The following TTC28 variants were observed in gnomAD, a reference collection of about 807,000 sequenced individuals.
The protein encoded by TTC28 is tetratricopeptide repeat protein 28.
In TTC28, 61 loss-of-function variants were observed where a neutral mutation model predicts 198.0. That is an observed-to-expected ratio of 0.31 (90% CI 0.25 to 0.38). TTC28 has a LOEUF of 0.38. Among genes scored for constraint, TTC28 ranks in the 10% least tolerant of loss-of-function variants. The probability of loss-of-function intolerance (pLI) is 1.00; values close to 1 mark genes in which losing one functional copy is unlikely to be tolerated. For synonymous variants in TTC28, 1,171 were observed against 1,297.8 expected (o/e 0.90, Z 2.10); for missense variants, 2,678 against 3,164.0 (o/e 0.85, Z 3.69).
intron 12 of TTC28, among the ~76,000 whole-genome samples, chr22:28,092,429 G>A (rs1035795542): frequency 2.0e-5 from 3 of 152,156 alleles, no homozygotes; most frequent in Non-Finnish European, 2.9e-5. Flanking sequence ...AGAACTTGGC[G>A]ACTGCATGCC....
At chr22:28,292,413 C>T (rs2044805679) in intron 5 of TTC28, among the ~76,000 whole-genome samples, 1 of 152,150 alleles carries the variant, frequency 6.6e-6, no homozygotes, top group Admixed American at 6.5e-5. Context: ...GTCTCAAATT[C>T]CTGGGCTCCA....
chr22:28,202,597 T>A (rs1484587918), intron 5 of TTC28, among the ~76,000 whole-genome samples: 1 of 151,634 alleles, frequency 6.6e-6, no homozygotes, highest in Non-Finnish European at 1.5e-5. Flanking sequence ...TCATTCTGTA[T>A]CTTAGATTTA....
intron 5 of TTC28, among the ~76,000 whole-genome samples, chr22:28,187,096 C>A (rs969120008): frequency 1.6e-4 from 24 of 152,078 alleles, no homozygotes; most frequent in Non-Finnish European, 2.9e-5. Context: ...CTGGTAGTGA[C>A]TTCATTCTGT....
Position 28,232,999 on chromosome 22 carries a change from G to T in TTC28, c.933+63199C>A, listed in dbSNP as rs1343721672. Among the ~76,000 whole-genome samples, 3 of 151,972 alleles carry T rather than the reference G, an allele frequency of 2.0e-5. No individual in the cohort carries two copies. In the East Asian group the frequency reaches 5.8e-4, roughly 29 times the overall value. On this transcript the variant is annotated intron_variant, in intron 5 of 22. Transcript: ENST00000397906. ...CACCTGTAATCCCAGCTACTCGGGA[G>T]GCTGAGGCAGGAGAATCGCTTGAAC...
chr22:28,079,302 G>A (rs1260740995), intron 12 of TTC28, among the ~76,000 whole-genome samples: 1 of 152,224 alleles, frequency 6.6e-6, no homozygotes, highest in Non-Finnish European at 1.5e-5. Context: ...CACTGTGCAT[G>A]TAGCAGTGGT....
chr22:28,431,868 CT>C (rs923067170), intron 2 of TTC28, among the ~76,000 whole-genome samples: 1 of 152,002 alleles, frequency 6.6e-6, no homozygotes, highest in African/African-American at 2.4e-5. Flanking sequence ...ATCCCAGCTA[CT>C]TGGGAGGCTG....
chr22:28,242,394 CAA>C (rs564824904), intron 5 of TTC28, among the ~76,000 whole-genome samples: 66 of 152,164 alleles, frequency 4.3e-4, no homozygotes, highest in Non-Finnish European at 7.9e-4. Flanking sequence ...TGAATACTTT[CAA>C]AAGACAATGA....
At chr22:27,984,029 C>T (rs1937117665) in intron 22 of TTC28, among the ~76,000 whole-genome samples, 178 bp from the exon 23 acceptor site, 1 of 152,174 alleles carries the variant, frequency 6.6e-6, no homozygotes, top group Non-Finnish European at 1.5e-5. Flanking sequence ...GTAAATCTAA[C>T]ATAGGGACAA....
At chr22:28,143,927 C>T (rs373247453) in intron 6 of TTC28, among the ~76,000 whole-genome samples, 1 of 151,950 alleles carries the variant, frequency 6.6e-6, no homozygotes, top group Non-Finnish European at 1.5e-5. Flanking sequence ...AATTTTTTTA[C>T]GAAGAGAAAC....
intron 2 of TTC28, among the ~76,000 whole-genome samples, chr22:28,476,667 G>C (rs1399744660): frequency 6.6e-6 from 1 of 152,062 alleles, no homozygotes; most frequent in African/African-American, 2.4e-5. Context: ...GTCTTAATTT[G>C]CATTTCCTTG....
chr22:28,497,293 T>C (rs1218176979), intron 2 of TTC28, among the ~76,000 whole-genome samples: 4 of 152,092 alleles, frequency 2.6e-5, no homozygotes, highest in Non-Finnish European at 4.4e-5. Context: ...AAAAGGTATA[T>C]AGAAAACTAA....
rs1245914647 is a variant in TTC28 at position 28,105,648 on chromosome 22, G to C, written c.2938C>G (p.Leu980Val). Reference protein sequence around the residue: ...LGNYEQAISCLERQLNIARDM... With the variant: ...LGNYEQAISCVERQLNIARDM... ...CTAGCAATGTTCAGCTGGCGTTCAA[G>C]GCAGGAAATGGCTTGTTCGTAATTC... Residue 980 changes from leucine to valine, a missense_variant, in exon 8 of 23, where the codon CTT becomes GTT. Leu to Val is a conservative substitution (Grantham distance 32, BLOSUM62 1). Transcript: ENST00000397906. The C allele has an allele frequency of 6.4e-7, 1 of 1,552,110 alleles. No homozygotes were observed. The highest frequency in any genetic ancestry group is 2.0e-5 in the Admixed American group (1 of 51,000).
At chr22:28,200,018 C>G (rs1321657568) in intron 5 of TTC28, among the ~76,000 whole-genome samples, 3 of 151,974 alleles carry the variant, frequency 2.0e-5, no homozygotes, top group African/African-American at 7.2e-5. Flanking sequence ...ATTTGTTGTT[C>G]TCTATATATT....
intron 2 of TTC28, among the ~76,000 whole-genome samples, chr22:28,437,860 G>A (rs1279428475): frequency 6.6e-6 from 1 of 152,102 alleles, no homozygotes; most frequent in Middle Eastern, 3.2e-3. Context: ...GGAAAAAAGA[G>A]GCCAGAAAAA....
intron 2 of TTC28, among the ~76,000 whole-genome samples, chr22:28,377,709 T>C (rs2046433339): frequency 6.6e-6 from 1 of 151,990 alleles, no homozygotes; most frequent in Non-Finnish European, 1.5e-5. Context: ...GATCAAACCA[T>C]CTCCAAGTAA....
rs541404571 is a variant in TTC28, at chr22:28,041,384, T to C, written c.3933-11018A>G. ...AGCATGGTGCTGGTACCAAAACAGATATATAGACCAATGGAACAGAACAGA... is the reference window on the plus strand; with the variant it reads ...AGCATGGTGCTGGTACCAAAACAGACATATAGACCAATGGAACAGAACAGA... On this transcript the variant is annotated intron_variant, in intron 12 of 22. Transcript: ENST00000397906. 5.3e-5 allele frequency among the ~76,000 whole-genome samples: 8 copies of C among 152,094 alleles called. No homozygotes were observed. In the South Asian group the frequency reaches 1.2e-3, roughly 24 times the overall value.
intron 2 of TTC28, among the ~76,000 whole-genome samples, chr22:28,416,229 T>C (rs570149206): frequency 6.6e-6 from 1 of 152,342 alleles, no homozygotes; most frequent in African/African-American, 2.4e-5. Flanking sequence ...AACTTCAGTG[T>C]ACACTATCAC....
At chr22:28,675,741 A>T (rs7286816) in intron 1 of TTC28, among the ~76,000 whole-genome samples, 24 of 120,706 alleles carry the variant, frequency 2.0e-4, no homozygotes, top group African/African-American at 6.1e-4. Context: ...CCTGTCACAC[A>T]CACACACACA....
rs968834392 is a variant in TTC28 at position 28,280,921 on chromosome 22, T to A, written c.933+15277A>T. ...CAGCACGCTGAAGATTTTCTCCCAC[T>A]GTCTTCTGGTCTCCATTATTTCTGA... is the stretch of plus-strand genomic sequence containing the variant. On this transcript the variant is annotated intron_variant, in intron 5 of 22. Coordinates refer to ENST00000397906, the MANE Select transcript of TTC28 (RefSeq NM_001145418.2). Among the ~76,000 whole-genome samples, 5 of 152,164 alleles carry A rather than the reference T, an allele frequency of 3.3e-5. No homozygotes were observed. The East Asian group carries it at 9.6e-4, about 29-fold the overall frequency.
Sources: allele counts gnomAD v4.1 joint callset (sites outside exome capture counted in the v4.1 genomes callset), GRCh38; gene constraint gnomAD v4.1.1; transcripts MANE v1.5; gene names NCBI Gene and HGNC (gene_info 2026-07-23, HGNC 2026-07-21).